The following EBF1 variants were observed in gnomAD, a reference collection of about 807,000 sequenced individuals.
EBF1 encodes the protein transcription factor COE1.
EBF1 carries 10 observed loss-of-function variants against 68.4 expected under a neutral mutation model. That is an observed-to-expected ratio of 0.15 (90% CI 0.09 to 0.25). EBF1 has a LOEUF of 0.25. Among genes scored for constraint, EBF1 ranks in the 10% least tolerant of loss-of-function variants. The probability of loss-of-function intolerance (pLI) is 1.00; values close to 1 mark genes in which losing one functional copy is unlikely to be tolerated. For synonymous variants in EBF1, 298 were observed against 299.8 expected, an observed-to-expected ratio of 0.99 and a Z score of 0.06; for missense variants, 509 against 794.4, an observed-to-expected ratio of 0.64 and a Z score of 4.32.
intron 6 of EBF1, among the ~76,000 whole-genome samples, chr5:158,990,178 C>T (rs959076227): frequency 4.6e-5 from 7 of 152,102 alleles, no homozygotes; most frequent in Admixed American, 2.6e-4. Context: ...GCATAAAGAA[C>T]GCAGAGAAAC....
intron 4 of EBF1, among the ~76,000 whole-genome samples, chr5:159,089,728 T>C (rs1781290204): frequency 6.6e-6 from 1 of 150,830 alleles, no homozygotes; most frequent in Non-Finnish European, 1.5e-5. Context: ...TTTCTTGATT[T>C]ATAAGCAAAC....
chr5:159,020,487 G>C, intron 6 of EBF1, among the ~76,000 whole-genome samples: 1 of 152,178 alleles, frequency 6.6e-6, no homozygotes, highest in Non-Finnish European at 1.5e-5. Flanking sequence ...ACCCTCAATC[G>C]AGCGATGCGG....
intron 6 of EBF1, among the ~76,000 whole-genome samples, chr5:158,896,983 C>T (rs973904510): frequency 1.3e-5 from 2 of 151,966 alleles, no homozygotes; most frequent in Non-Finnish European, 2.9e-5. Context: ...TTGATTTCAG[C>T]CCAAGACACA....
intron 6 of EBF1, among the ~76,000 whole-genome samples, chr5:158,969,198 A>T (rs1449213529): frequency 6.6e-6 from 1 of 152,068 alleles, no homozygotes; most frequent in Non-Finnish European, 1.5e-5. Context: ...GCTACACAGG[A>T]GGTTGAGGCA....
chr5:158,893,233 T>C (rs925259647), intron 6 of EBF1, among the ~76,000 whole-genome samples: 1 of 152,228 alleles, frequency 6.6e-6, no homozygotes, highest in African/African-American at 2.4e-5. Context: ...TGGGAATATA[T>C]ATTATTAAGC....
At chr5:158,985,751 CAGTAATAAAGCCATTAA>C (rs1292327016) in intron 6 of EBF1, 3 of 152,168 alleles carry the variant, frequency 2.0e-5, no homozygotes, top group Admixed American at 1.3e-4. Context: ...CTTCTCAGAT[CAGTAATAAAGCCATTAA>C]AGCAGAGGCA....
At position 158,893,592 on chromosome 5, in the gene EBF1, A is replaced by G. The variant is rs1375332652; in HGVS notation, c.555-53482T>C. Among the ~76,000 whole-genome samples, 8 of 152,328 alleles carry G rather than the reference A, an allele frequency of 5.3e-5. No homozygotes were observed. The East Asian group carries it at 1.2e-3, about 22-fold the overall frequency. Reference sequence around the variant, plus strand: ...TTTAATATGTCTTTAGATTTATTACATGAAGAATCTGCTCACTTAATCCTT... The same window carrying G: ...TTTAATATGTCTTTAGATTTATTACGTGAAGAATCTGCTCACTTAATCCTT... On this transcript the variant is annotated intron_variant, in intron 6 of 15. Transcript: ENST00000313708.
chr5:158,960,600 G>A (rs11748602), intron 6 of EBF1, among the ~76,000 whole-genome samples: 1 of 152,188 alleles, frequency 6.6e-6, no homozygotes, highest in East Asian at 1.9e-4. Flanking sequence ...TTCTCTAATG[G>A]TTTTTAAATA....
intron 7 of EBF1, among the ~76,000 whole-genome samples, chr5:158,832,431 C>A (rs1787786141): frequency 6.6e-6 from 1 of 152,192 alleles, no homozygotes; most frequent in South Asian, 2.1e-4. Context: ...TATTCTGAAA[C>A]TATCATTAGA....
At chr5:159,072,014 T>G (rs1293088361) in intron 6 of EBF1, among the ~76,000 whole-genome samples, 1 of 152,198 alleles carries the variant, frequency 6.6e-6, no homozygotes, top group Non-Finnish European at 1.5e-5. Flanking sequence ...AGACTTATGT[T>G]CAATCACAGA....
At chr5:158,792,862 C>T (rs1209297581) in intron 9 of EBF1, among the ~76,000 whole-genome samples, 1 of 152,114 alleles carries the variant, frequency 6.6e-6, no homozygotes, top group Non-Finnish European at 1.5e-5. Flanking sequence ...GAAGGGAAGC[C>T]CTCTTACCTC....
At chr5:158,799,254 T>C (rs1780139332) in intron 8 of EBF1, among the ~76,000 whole-genome samples, 1 of 152,078 alleles carries the variant, frequency 6.6e-6, no homozygotes, top group South Asian at 2.1e-4. Flanking sequence ...ACAGTAAGAC[T>C]CTGTCTCTTG....
At chr5:159,065,362 CGGA>C (rs1275045616) in intron 6 of EBF1, among the ~76,000 whole-genome samples, 2 of 152,146 alleles carry the variant, frequency 1.3e-5, no homozygotes, top group Non-Finnish European at 2.9e-5. Flanking sequence ...CCGGCAAAGG[CGGA>C]GAATTCACGG....
chr5:159,090,165 T>C (rs1561993013), intron 4 of EBF1, among the ~76,000 whole-genome samples: 1 of 150,778 alleles, frequency 6.6e-6, no homozygotes, highest in Non-Finnish European at 1.5e-5. Flanking sequence ...AATCAAAAAA[T>C]GATATGCACA....
intron 6 of EBF1, among the ~76,000 whole-genome samples, chr5:159,051,604 G>A (rs1318659640): frequency 1.3e-5 from 2 of 151,664 alleles, no homozygotes; most frequent in East Asian, 3.9e-4. Context: ...TCGGTGCTCC[G>A]CTGCCCACAG....
intron 11 of EBF1, among the ~76,000 whole-genome samples, chr5:158,721,740 A>C (rs1049178940): frequency 6.6e-6 from 1 of 152,182 alleles, no homozygotes; most frequent in African/African-American, 2.4e-5. Flanking sequence ...CTTGGGCTCC[A>C]TGAGGTGCCA....
chr5:158,819,938 T>C (rs1204232095), intron 8 of EBF1, among the ~76,000 whole-genome samples: 1 of 152,152 alleles, frequency 6.6e-6, no homozygotes, highest in African/African-American at 2.4e-5. Flanking sequence ...AATTTGCCTT[T>C]GTCAACTCTC....
intron 14 of EBF1, among the ~76,000 whole-genome samples, chr5:158,708,508 C>G (rs898216131): frequency 6.6e-6 from 1 of 152,156 alleles, no homozygotes; most frequent in African/African-American, 2.4e-5. Context: ...CCAAATGCAC[C>G]GAGTGCCTTT....
intron 6 of EBF1, among the ~76,000 whole-genome samples, chr5:158,889,717 A>C (rs1399705153): frequency 6.6e-6 from 1 of 152,184 alleles, no homozygotes; most frequent in Non-Finnish European, 1.5e-5. Flanking sequence ...ATATGTGTGA[A>C]GTCATGGAAT....
Sources: gnomAD v4.1 joint callset for allele counts (sites outside exome capture counted in the v4.1 genomes callset) on GRCh38, gnomAD v4.1.1 for gene constraint, MANE v1.5 for transcripts, NCBI Gene and HGNC (gene_info 2026-07-23, HGNC 2026-07-21) for gene names.